Variants in ACTR2 observed in about 807,000 individuals in gnomAD.
ACTR2 encodes the protein actin-related protein 2.
A neutral mutation model predicts 50.2 loss-of-function variants in ACTR2; 5 were observed. The ratio of observed to expected loss-of-function variants is 0.10; its 90% confidence interval spans 0.05 to 0.21. The LOEUF (loss-of-function observed/expected upper bound fraction) is 0.21, where lower values mean the gene tolerates loss of function less well. Ranked by LOEUF, ACTR2 falls within the 10% of genes least tolerant of loss-of-function variation. ACTR2 has a pLI of 1.00. For synonymous variants in ACTR2, 140 were observed against 162.9 expected, an observed-to-expected ratio of 0.86 and a Z score of 1.07; for missense variants, 180 against 480.6, an observed-to-expected ratio of 0.37 and a Z score of 5.85.
At chr2:65,229,211 A>T (rs1671590043) in intron 1 of ACTR2, among the ~76,000 whole-genome samples, 1 of 152,110 alleles carries the variant, frequency 6.6e-6, no homozygotes, top group Non-Finnish European at 1.5e-5. Context: ...TTCTATAGTG[A>T]TTTCTAACCA....
chr2:65,264,644 G>A (rs928731116), intron 7 of ACTR2, among the ~76,000 whole-genome samples: 4 of 152,076 alleles, frequency 2.6e-5, no homozygotes, highest in Non-Finnish European at 5.9e-5. Flanking sequence ...AACTACAAAA[G>A]ATAAATGAAA....
rs1000367944 is a variant in ACTR2, at chr2:65,245,484, C to T, written c.160-1040C>T. Reference sequence around the variant, plus strand: ...GTAGTGAGCTGAGATCATGCCACTGCGCTCTAGCCTGGGCAGTAGAGCGAG... The same window carrying T: ...GTAGTGAGCTGAGATCATGCCACTGTGCTCTAGCCTGGGCAGTAGAGCGAG... On this transcript the variant is annotated intron_variant, in intron 2 of 8. Transcript: ENST00000260641. Among the ~76,000 whole-genome samples, 11 of 152,234 alleles carry T rather than the reference C, an allele frequency of 7.2e-5. No homozygotes were observed. The East Asian group carries it at 9.7e-4, about 13-fold the overall frequency.
intron 7 of ACTR2, among the ~76,000 whole-genome samples, chr2:65,262,272 C>T (rs190781455): frequency 3.3e-5 from 5 of 152,278 alleles, no homozygotes; most frequent in African/African-American, 1.2e-4. Flanking sequence ...CTCTCTCACC[C>T]AGGCTGAAGT....
chr2:65,234,394 T>C (rs1671699908), intron 1 of ACTR2, among the ~76,000 whole-genome samples: 1 of 152,270 alleles, frequency 6.6e-6, no homozygotes, highest in Non-Finnish European at 1.5e-5. Context: ...TATTAATAAG[T>C]GATTGATAAT....
chr2:65,263,366 G>A (rs1672312706), intron 7 of ACTR2, among the ~76,000 whole-genome samples: 1 of 146,390 alleles, frequency 6.8e-6, no homozygotes, highest in South Asian at 2.2e-4. Flanking sequence ...TTAGTGTTTT[G>A]GCCATGCAAA....
chr2:65,250,545 T>C (rs1423156201), intron 3 of ACTR2, among the ~76,000 whole-genome samples: 3 of 142,300 alleles, frequency 2.1e-5, no homozygotes, highest in Admixed American at 7.0e-5. Context: ...TGGTGGTGCA[T>C]GCCTGTAGTC....
intron 2 of ACTR2, among the ~76,000 whole-genome samples, chr2:65,245,515 G>C (rs1671919022): frequency 6.6e-6 from 1 of 152,080 alleles, no homozygotes; most frequent in Admixed American, 6.6e-5. Context: ...GCGAGACTCA[G>C]TCTCAAAAAA....
At chr2:65,242,835 C>T (rs371741202) in intron 2 of ACTR2, among the ~76,000 whole-genome samples, 21 of 152,216 alleles carry the variant, frequency 1.4e-4, no homozygotes, top group African/African-American at 5.1e-4. Flanking sequence ...GTAAGAATCT[C>T]TGACAAAAAT....
At chr2:65,249,904 G>A (rs899642156) in intron 3 of ACTR2, among the ~76,000 whole-genome samples, 1 of 152,090 alleles carries the variant, frequency 6.6e-6, no homozygotes, top group Non-Finnish European at 1.5e-5. Flanking sequence ...ATTAACCATT[G>A]ATTTTTGTCT....
intron 3 of ACTR2, among the ~76,000 whole-genome samples, chr2:65,250,386 T>C (rs1339741210): frequency 7.1e-6 from 1 of 141,364 alleles, no homozygotes; most frequent in Non-Finnish European, 1.5e-5. Flanking sequence ...AAAAAAGATA[T>C]TTCCCTGGCT....
rs905529829 is a variant in ACTR2, at chr2:65,268,893, A to G, written c.*159A>G. On this transcript the variant is annotated 3_prime_UTR_variant, in exon 9 of 9. Transcript: ENST00000260641. ...TGGTGTCTTGGGGAAGCTTTGTTAA[A>G]TTTTTGTTAATGTGGGTAAATCTGA... is the stretch of plus-strand genomic sequence containing the variant. 30 of 726,226 alleles carry G rather than the reference A, an allele frequency of 4.1e-5. No homozygotes were observed. In the African/African-American group the frequency reaches 4.9e-4, roughly 12 times the overall value. 45.0% of individuals were successfully genotyped at this position (726,226 alleles called of 1,614,324 possible).
chr2:65,242,709 T>G (rs1197274736), intron 2 of ACTR2: 2 of 483,706 alleles, frequency 4.1e-6, no homozygotes, highest in Non-Finnish European at 8.2e-6. Flanking sequence ...TGTTTTTCTT[T>G]ATAACTATAA....
Position 65,239,766 on chromosome 2 carries a change from T to A in ACTR2, c.49-86T>A, listed in dbSNP as rs985965442. 5 of 875,490 alleles carry A rather than the reference T, an allele frequency of 5.7e-6. No individual in the cohort carries two copies. In the African/African-American group the frequency reaches 8.4e-5, roughly 15 times the overall value. The allele number at this position is 875,490 out of a possible 1,614,324, so 54.2% of individuals were successfully genotyped here. ...CCAAAAGTTTAAAATGTTATATAAA[T>A]GCAAAGTGATATTTTTCAGATGCTG... On this transcript the variant is annotated intron_variant, in intron 1 of 8. Transcript: ENST00000260641.
At chr2:65,264,387 A>G (rs1343635750) in intron 7 of ACTR2, among the ~76,000 whole-genome samples, 1 of 152,194 alleles carries the variant, frequency 6.6e-6, no homozygotes, top group Admixed American at 6.5e-5. Flanking sequence ...AATGGGTGCA[A>G]ATCAGCTCCC....
chr2:65,254,749 C>G (rs1672115818), intron 5 of ACTR2, among the ~76,000 whole-genome samples: 1 of 152,166 alleles, frequency 6.6e-6, no homozygotes, highest in Admixed American at 6.5e-5. Flanking sequence ...AACCCTGTCT[C>G]TGCATTAAAT....
At chr2:65,235,742 G>A (rs569928521) in intron 1 of ACTR2, among the ~76,000 whole-genome samples, 1 of 152,240 alleles carries the variant, frequency 6.6e-6, no homozygotes, top group East Asian at 1.9e-4. Flanking sequence ...ATGACCGAGT[G>A]AGACTCAGTC....
intron 1 of ACTR2, 27 bp downstream of exon 1, chr2:65,227,984 C>A (rs969763682): frequency 6.7e-7 from 1 of 1,487,974 alleles, no homozygotes; most frequent in South Asian, 1.3e-5. Flanking sequence ...GAGGCCTTGG[C>A]GGCCACAGAC....
At chr2:65,265,901 C>T (rs1672363067) in intron 8 of ACTR2, among the ~76,000 whole-genome samples, 1 of 152,160 alleles carries the variant, frequency 6.6e-6, no homozygotes, top group Non-Finnish European at 1.5e-5. Flanking sequence ...TTATGTATTA[C>T]AGAGTACTGT....
intron 7 of ACTR2, among the ~76,000 whole-genome samples, chr2:65,263,607 T>G (rs1672318411): frequency 6.6e-6 from 1 of 152,210 alleles, no homozygotes; most frequent in African/African-American, 2.4e-5. Context: ...AAATAGCAAT[T>G]GACTCATAAC....
Sources: gnomAD v4.1 joint callset for allele counts (sites outside exome capture counted in the v4.1 genomes callset) on GRCh38, gnomAD v4.1.1 for gene constraint, MANE v1.5 for transcripts, NCBI Gene and HGNC (gene_info 2026-07-23, HGNC 2026-07-21) for gene names.